The following TNS3 variants were observed in gnomAD, a reference collection of about 807,000 sequenced individuals.
TNS3 encodes the protein tensin 3, also known as tensin-3.
In TNS3, 45 loss-of-function variants were observed where a neutral mutation model predicts 140.9. The ratio of observed to expected loss-of-function variants is 0.32; its 90% CI spans 0.25 to 0.41. The LOEUF (loss-of-function observed/expected upper bound fraction) is 0.41. Ranked by LOEUF, TNS3 falls within the 10% of genes least tolerant of loss-of-function variation. The pLI is 1.00. For synonymous variants in TNS3, 815 were observed against 788.4 expected (o/e 1.03, Z -0.56); for missense variants, 1,716 against 1,906.7 (o/e 0.90, Z 1.86).
chr7:47,556,911 C>A, intron 1 of TNS3: 1 of 416,648 alleles, frequency 2.4e-6, no homozygotes, highest in Non-Finnish European at 4.8e-6. Flanking sequence ...CGGTGCTGGG[C>A]AGAAGGGCAG....
chr7:47,497,912 T>A lies in TNS3; in HGVS notation c.-115+8995A>T, dbSNP rs539461733. On this transcript the variant is annotated intron_variant, in intron 3 of 30. Transcript: ENST00000311160. Reference sequence around the variant, plus strand: ...TGTCACCATGAAAGTGGCATCTGTTTTGAATTCAGGGGCCTCATCTTCTCT... The same window carrying A: ...TGTCACCATGAAAGTGGCATCTGTTATGAATTCAGGGGCCTCATCTTCTCT... Among the ~76,000 whole-genome samples the A allele has an allele frequency of 7.9e-5, 12 of 152,278 alleles. No homozygotes were observed. The South Asian group carries it at 2.3e-3, about 29-fold the overall frequency.
intron 1 of TNS3, among the ~76,000 whole-genome samples, chr7:47,576,212 A>G (rs1408488562): frequency 6.6e-6 from 1 of 152,198 alleles, no homozygotes; most frequent in Non-Finnish European, 1.5e-5. Flanking sequence ...CAGAAGGACC[A>G]CAAGGTGCTT....
intron 1 of TNS3, among the ~76,000 whole-genome samples, chr7:47,532,256 G>A (rs1799435297): frequency 6.6e-6 from 1 of 152,202 alleles, no homozygotes; most frequent in African/African-American, 2.4e-5. Context: ...CTTCAGGCCA[G>A]GGAGGGCCTG....
In TNS3 at chr7:47,389,082, A is replaced by C. The variant is rs1562675287; in HGVS notation, c.1024+7718T>G. On this transcript the variant is annotated intron_variant, in intron 16 of 30. Coordinates refer to ENST00000311160, the MANE Select transcript of TNS3 (RefSeq NM_022748.12). ...GAAGAAGAAGAAGAAGAAGAAGAAG[A>C]AGAGGAAGAGGAAGAGGAAGCGGAA... is the stretch of plus-strand genomic sequence containing the variant. Among the ~76,000 whole-genome samples, 49 of 71,252 alleles carry C rather than the reference A, an allele frequency of 6.9e-4. 10 individuals are homozygous for C. Among genetic ancestry groups the C allele is most frequent in the East Asian group, 3.0e-3 (5 of 1,650 alleles). The allele number at this position is 71,252 out of a possible 152,430, so 46.7% of individuals were successfully genotyped here. A position where few individuals can be genotyped will look rare whatever the true frequency, so the allele number is the denominator to read the frequency against.
chr7:47,347,714 C>T (rs1562620690), intron 17 of TNS3, among the ~76,000 whole-genome samples: 1 of 152,104 alleles, frequency 6.6e-6, no homozygotes, highest in Admixed American at 6.6e-5. Flanking sequence ...CCTCTTCCTT[C>T]CATCCTCTCT....
intron 13 of TNS3, among the ~76,000 whole-genome samples, chr7:47,409,208 A>AAGG (rs1310094864): frequency 6.6e-6 from 1 of 151,924 alleles, no homozygotes; most frequent in East Asian, 1.9e-4. Context: ...GAAGAGAAGG[A>AAGG]AGGAGGAGGA....
intron 4 of TNS3, among the ~76,000 whole-genome samples, chr7:47,461,318 C>G (rs183192079): frequency 2.0e-5 from 3 of 152,360 alleles, no homozygotes; most frequent in African/African-American, 7.2e-5. Context: ...CCAAAACCAC[C>G]TCTACAGGCT....
intron 2 of TNS3, among the ~76,000 whole-genome samples, chr7:47,511,732 G>A (rs1369001234): frequency 6.6e-6 from 1 of 152,098 alleles, no homozygotes; most frequent in Non-Finnish European, 1.5e-5. Context: ...TCCCACTCCT[G>A]TAAACGAAGC....
intron 8 of TNS3, among the ~76,000 whole-genome samples, chr7:47,430,481 G>A (rs1049479332): frequency 4.6e-5 from 7 of 151,974 alleles, no homozygotes; most frequent in Admixed American, 1.3e-4. Flanking sequence ...TACCACAACC[G>A]TACGGGACTT....
chr7:47,381,890 A>G (rs571962783), intron 16 of TNS3, among the ~76,000 whole-genome samples: 144 of 152,382 alleles, frequency 9.4e-4, no homozygotes, highest in African/African-American at 3.4e-3. Context: ...ACTGCAATAA[A>G]GGCAGTGACT....
At chr7:47,442,187 C>CT (rs1795499060) in intron 4 of TNS3, 132 bp from the exon 5 acceptor site, 3 of 487,896 alleles carry the variant, frequency 6.1e-6, no homozygotes, top group Admixed American at 3.9e-5. Flanking sequence ...ATCGTAACTA[C>CT]AAGCCCACCT....
chr7:47,555,988 G>A (rs1800184935), intron 1 of TNS3, among the ~76,000 whole-genome samples: 1 of 152,228 alleles, frequency 6.6e-6, no homozygotes, highest in Non-Finnish European at 1.5e-5. Flanking sequence ...ACACATACAT[G>A]TAGGTGTGCA....
rs765988053 is a variant in TNS3 at position 47,481,127 on chromosome 7, G to A, written c.-100C>T. On this transcript the variant is annotated 5_prime_UTR_variant, in exon 4 of 31. Transcript: ENST00000311160. ...CCTGTTCCAGTCGGACTTGCACACC[G>A]CAGGGAATCACCACCTTTCAAAGAG... is the stretch of plus-strand genomic sequence containing the variant. The A allele has an allele frequency of 1.5e-5, 19 of 1,289,764 alleles. No homozygotes were observed. In the East Asian group the frequency reaches 2.8e-4, roughly 19 times the overall value. The allele number at this position is 1,289,764 out of a possible 1,614,324, so 79.9% of individuals were successfully genotyped here. A position where few individuals can be genotyped will look rare whatever the true frequency, so the allele number is the denominator to read the frequency against.
At chr7:47,548,059 C>G (rs535392093) in intron 1 of TNS3, among the ~76,000 whole-genome samples, 2 of 152,186 alleles carry the variant, frequency 1.3e-5, no homozygotes, top group African/African-American at 2.4e-5. Flanking sequence ...CACCATCACA[C>G]CCGGCTAATT....
chr7:47,352,407 C>T (rs1258711158), intron 17 of TNS3, among the ~76,000 whole-genome samples: 1 of 152,208 alleles, frequency 6.6e-6, no homozygotes, highest in Non-Finnish European at 1.5e-5. Flanking sequence ...CTCACACCCA[C>T]CCTGTGCTCC....
At chr7:47,562,115 T>G (rs758351894) in intron 1 of TNS3, among the ~76,000 whole-genome samples, 1 of 152,194 alleles carries the variant, frequency 6.6e-6, no homozygotes, top group East Asian at 1.9e-4. Flanking sequence ...ATTTCTCCAT[T>G]GCAGTAATGA....
chr7:47,490,961 G>A (rs1562799380), intron 3 of TNS3, among the ~76,000 whole-genome samples: 1 of 152,200 alleles, frequency 6.6e-6, no homozygotes, highest in Non-Finnish European at 1.5e-5. Flanking sequence ...GGGAAGTAGA[G>A]GAAAGGGGCT....
chr7:47,496,015 C>T (rs542083467), intron 3 of TNS3, among the ~76,000 whole-genome samples: 6 of 152,192 alleles, frequency 3.9e-5, no homozygotes, highest in East Asian at 3.9e-4. Context: ...AAGGAGCACA[C>T]GGTGCCACAG....
chr7:47,410,064 C>T (rs901855752), intron 13 of TNS3, among the ~76,000 whole-genome samples: 3 of 152,174 alleles, frequency 2.0e-5, no homozygotes, highest in South Asian at 4.1e-4. Context: ...CTTCGTCCAA[C>T]GATCCCAGGA....
Sources: gnomAD v4.1 joint callset for allele counts (sites outside exome capture counted in the v4.1 genomes callset) on GRCh38, gnomAD v4.1.1 for gene constraint, MANE v1.5 for transcripts, NCBI Gene and HGNC (gene_info 2026-07-23, HGNC 2026-07-21) for gene names.